Variants in MARK4 observed in about 807,000 individuals in gnomAD.
MARK4 encodes microtubule affinity regulating kinase 4, also known as MAP/microtubule affinity-regulating kinase 4.
In MARK4, 19 loss-of-function variants were observed where a neutral mutation model predicts 81.5. That is an observed-to-expected ratio of 0.23 (90% CI 0.16 to 0.34). The LOEUF (loss-of-function observed/expected upper bound fraction) is 0.34, where lower values mean the gene tolerates loss of function less well. MARK4 is among the 10% of genes least tolerant of loss of function. The probability of loss-of-function intolerance (pLI) is 1.00; values close to 1 mark genes in which losing one functional copy is unlikely to be tolerated. For missense variants in MARK4, 772 were observed against 1,058.8 expected, an observed-to-expected ratio of 0.73 and a Z score of 3.76; for synonymous variants, 436 against 439.0, an observed-to-expected ratio of 0.99 and a Z score of 0.08.
chr19:45,302,319 T>C lies in MARK4; in HGVS notation c.1923-55T>C. 6.2e-7 allele frequency: 1 copy of C among 1,612,128 alleles called. No individual in the cohort carries two copies. ...TTGGGAAGAGTTGTCCCTTCAGCCC[T>C]CCACCACATTCCTCTTCGCTCCCAT... is the stretch of plus-strand genomic sequence containing the variant. On this transcript the variant is annotated intron_variant, in intron 16 of 16. Transcript: ENST00000262891. This position sits in a 1 kb window ranked among gnomAD's most constrained non-coding sequence, Gnocchi z 4.9.
chr19:45,279,097 C>T (rs965017814), intron 10 of MARK4, among the ~76,000 whole-genome samples: 2 of 151,752 alleles, frequency 1.3e-5, no homozygotes, highest in African/African-American at 2.4e-5. Context: ...TGGTTGTGTG[C>T]ACCTGTAGTC....
chr19:45,258,803 C>T (rs1251263998), intron 1 of MARK4, 186 bp from the exon 2 acceptor site: 15 of 612,436 alleles, frequency 2.4e-5, no homozygotes, highest in Non-Finnish European at 4.2e-5. Flanking sequence ...ATTTGGAGGA[C>T]ATGGGGGCTT....
Position 45,266,288 on chromosome 19 carries a change from C to A in MARK4, c.549+7C>A. 1.2e-6 allele frequency: 2 copies of A among 1,613,612 alleles called. No individual in the cohort carries two copies. The highest frequency in any genetic ancestry group is 1.7e-6 in the Non-Finnish European group (2 of 1,179,652). On this transcript the variant is annotated splice_region_variant and intron_variant, in intron 7 of 16. Coordinates refer to ENST00000262891, the MANE Select transcript of MARK4 (RefSeq NM_001199867.2). ...TGTACACAGGGACCTGAAGGTAAGC[C>A]CCCGACCCGCTGTGATCTCAGGGAC...
intron 3 of MARK4, 75 bp from the exon 4 acceptor site, chr19:45,263,244 G>C (rs1970403558): frequency 1.2e-6 from 2 of 1,613,474 alleles, no homozygotes; most frequent in Middle Eastern, 1.6e-4. Context: ...CTTCCTGCGG[G>C]GGCCCGGCTG....
At position 45,271,594 on chromosome 19, in the gene MARK4, G is replaced by A. The variant is rs992523933; in HGVS notation, c.672G>A (p.Pro224=). 5.6e-6 allele frequency: 9 copies of A among 1,614,214 alleles called. No homozygotes were observed. Among genetic ancestry groups the A allele is most frequent in the African/African-American group, 1.3e-5 (1 of 75,050 alleles). ...GCGGGAGCCCCCCATATGCCGCCCCGGAGCTGTTTCAGGGCAAGAAGTACG... is the reference window on the plus strand; with the variant it reads ...GCGGGAGCCCCCCATATGCCGCCCCAGAGCTGTTTCAGGGCAAGAAGTACG... ...TFCGSPPYAA[P]ELFQGKKYDG... Residue 224 remains proline (P), a synonymous_variant, in exon 8 of 17, where the codon CCG becomes CCA. Transcript: ENST00000262891. The surrounding 1 kb of genome is among the most constrained non-coding windows in gnomAD (Gnocchi z 4.1).
intron 12 of MARK4, among the ~76,000 whole-genome samples, chr19:45,286,143 C>A (rs1283543987): frequency 6.6e-6 from 1 of 152,082 alleles, no homozygotes; most frequent in Non-Finnish European, 1.5e-5. Context: ...GCAACCTCTG[C>A]CTCCCAGGTT....
chr19:45,264,125 T>A (rs1970418067), intron 4 of MARK4, among the ~76,000 whole-genome samples: 1 of 152,144 alleles, frequency 6.6e-6, no homozygotes, highest in Non-Finnish European at 1.5e-5. Context: ...GGCCGCTATG[T>A]GCCAGACCCT....
rs533324825 is a variant in MARK4, at chr19:45,278,777, T to C, written c.1006+162T>C. ...TGCCGCCATGCCCGGCTAATTTTTG[T>C]TATTTTTAGTAGAGACAGGGTTTTG... On this transcript the variant is annotated intron_variant, in intron 10 of 16. Transcript: ENST00000262891. Among the ~76,000 whole-genome samples the C allele has an allele frequency of 1.3e-3, 205 of 152,248 alleles. 1 individual carries two copies. Among genetic ancestry groups the C allele is most frequent in the African/African-American group, 4.7e-3 (197 of 41,552 alleles).
Position 45,302,802 on chromosome 19 carries a change from T to G in MARK4, c.*92T>G, listed in dbSNP as rs1049062564. ...GGGGCCAGGGAGGGGATTCTCCCTT[T>G]ATCATCACCTCAGTTTCCCTGAATT... On this transcript the variant is annotated 3_prime_UTR_variant, in exon 17 of 17. Transcript: ENST00000262891. The surrounding 1 kb of genome is among the most constrained non-coding windows in gnomAD (Gnocchi z 4.9). 3.2e-5 allele frequency: 47 copies of G among 1,461,078 alleles called. No homozygotes were observed. In the Admixed American group the frequency reaches 6.1e-4, roughly 19 times the overall value. The allele number at this position is 1,461,078 out of a possible 1,614,324, so 90.5% of individuals were successfully genotyped here.
At chr19:45,258,586 G>A (rs1326611312) in intron 1 of MARK4, among the ~76,000 whole-genome samples, 1 of 152,088 alleles carries the variant, frequency 6.6e-6, no homozygotes, top group East Asian at 1.9e-4. Flanking sequence ...TGTAATCCCA[G>A]CTGCTCGGGA....
chr19:45,273,237 A>G (rs1207224134), intron 8 of MARK4, among the ~76,000 whole-genome samples: 1 of 152,018 alleles, frequency 6.6e-6, no homozygotes, highest in Admixed American at 6.6e-5. Context: ...CAGGAGCTTC[A>G]CAATCGCTGG....
chr19:45,280,620 C>T lies in MARK4; in HGVS notation c.1162C>T (p.Arg388Trp), dbSNP rs753337213. ...CCCAGGGCTGGCCCTGGCACGGGTG[C>T]GGGCGCCCAGCGACACCACCAACGG... ...GAPGLALARV[R>W]APSDTTNGTS... is the part of the protein sequence containing the mutation. Residue 388 changes from arginine to tryptophan, a missense_variant, in exon 12 of 17, where the codon CGG becomes TGG. Coordinates refer to ENST00000262891, the MANE Select transcript of MARK4 (RefSeq NM_001199867.2). The T allele has an allele frequency of 2.6e-5, 42 of 1,604,556 alleles. No homozygotes were observed. The highest frequency in any genetic ancestry group is 3.3e-4 in the Middle Eastern group (2 of 6,032).
chr19:45,292,515 C>T (rs941425129), intron 13 of MARK4, among the ~76,000 whole-genome samples: 2 of 152,064 alleles, frequency 1.3e-5, no homozygotes, highest in Admixed American at 6.6e-5. Flanking sequence ...TGAATGAGAG[C>T]TATTGTTATT....
chr19:45,285,217 C>G (rs1486901916), intron 12 of MARK4, among the ~76,000 whole-genome samples: 1 of 149,446 alleles, frequency 6.7e-6, no homozygotes, highest in East Asian at 2.0e-4. Context: ...CCAGATCGTG[C>G]CACTGCACTC....
chr19:45,300,201 C>T (rs550291842), intron 16 of MARK4, among the ~76,000 whole-genome samples: 69 of 151,964 alleles, frequency 4.5e-4, no homozygotes, highest in Non-Finnish European at 6.9e-4. Flanking sequence ...AAAAATTAGC[C>T]GGGCGTAGTG....
rs377057202 is a variant in MARK4, at chr19:45,277,895, C to T, written c.787-28C>T. 17 of 1,603,994 alleles carry T rather than the reference C, an allele frequency of 1.1e-5. No homozygotes were observed. The African/African-American group carries it at 1.9e-4, about 18-fold the overall frequency. ...TAATAGGTGGGGGGCGGGGCAGACC[C>T]CCTCCTCCAGTAACCCCATCCCTGC... On this transcript the variant is annotated intron_variant, in intron 8 of 16. Transcript: ENST00000262891.
rs1970997059 is a variant in MARK4, at chr19:45,302,886, A to G, written c.*176A>G. Reference sequence around the variant, plus strand: ...TCTCTGGGGCCGCTCAGCACAGAAGAAGGATGAGGGGGCTCAGCGGGGGGA... The same window carrying G: ...TCTCTGGGGCCGCTCAGCACAGAAGGAGGATGAGGGGGCTCAGCGGGGGGA... On this transcript the variant is annotated 3_prime_UTR_variant, in exon 17 of 17. Coordinates refer to ENST00000262891, the MANE Select transcript of MARK4 (RefSeq NM_001199867.2). The surrounding 1 kb of genome is among the most constrained non-coding windows in gnomAD (Gnocchi z 4.9). The G allele has an allele frequency of 2.8e-6, 3 of 1,070,162 alleles. No individual in the cohort carries two copies. Among genetic ancestry groups the G allele is most frequent in the Non-Finnish European group, 3.9e-6 (3 of 769,160 alleles). The allele number at this position is 1,070,162 out of a possible 1,614,324, so 66.3% of individuals were successfully genotyped here.
chr19:45,259,760 G>A lies in MARK4; in HGVS notation c.252+571G>A, dbSNP rs1239391462. On this transcript the variant is annotated intron_variant, in intron 2 of 16. Transcript: ENST00000262891. ...ACTGCACTCCAGCCTGGGTAACAGA[G>A]TGAGACCCTATCTCAAAAAATAAAA... 9.9e-5 allele frequency among the ~76,000 whole-genome samples: 15 copies of A among 152,014 alleles called. No homozygotes were observed. In the East Asian group the frequency reaches 2.7e-3, roughly 27 times the overall value.
intron 1 of MARK4, among the ~76,000 whole-genome samples, chr19:45,253,961 G>A (rs142939210): frequency 1.3e-5 from 2 of 152,248 alleles, no homozygotes; most frequent in African/African-American, 4.8e-5. Flanking sequence ...TGCATGGTGC[G>A]GATTTGAGGA....
Sources: gnomAD v4.1 joint callset for allele counts (sites outside exome capture counted in the v4.1 genomes callset) on GRCh38, gnomAD v4.1.1 for gene constraint, Gnocchi (gnomAD v3.1) non-coding constraint, MANE v1.5 for transcripts, NCBI Gene and HGNC (gene_info 2026-07-23, HGNC 2026-07-21) for gene names.